NFATC4: variants seen among roughly 807,000 people sequenced by gnomAD.
NFATC4 encodes nuclear factor of activated T cells 4.
A neutral mutation model predicts 73.4 loss-of-function variants in NFATC4; 25 were observed. The ratio of observed to expected loss-of-function variants is 0.34; its 90% confidence interval spans 0.25 to 0.48. NFATC4 has a LOEUF of 0.48. Ranked by LOEUF, NFATC4 falls within the 20% of genes least tolerant of loss-of-function variation. The pLI is 0.99. For missense variants in NFATC4, 1,130 were observed against 1,203.7 expected (o/e 0.94, Z 0.91); for synonymous variants, 523 against 510.3 (o/e 1.02, Z -0.34).
In NFATC4 at chr14:24,374,391, G is replaced by T. The variant is rs1177071951; in HGVS notation, c.1798G>T (p.Gly600Ter). 6.2e-7 allele frequency: 1 copy of T among 1,614,062 alleles called. No individual in the cohort carries two copies. The change falls in exon 6 of 10, where the codon GGA becomes TGA. Residue 600 changes from glycine (G) to a stop codon, truncating the protein, a stop_gained. Transcript: ENST00000250373. LOFTEE classifies it high-confidence loss of function. ...AYSPSACSVR[G>*]GEELVLTGSN... is the part of the protein sequence containing the mutation. ...CAGCCCCAGTGCCTGCTCTGTGAGA[G>T]GAGGCGAGGAACTGGTACTGACTGG...
Position 24,370,070 on chromosome 14 carries a change from A to G in NFATC4, c.672A>G (p.Pro224=). ...CCTCGCCCCGGGCCTCCCCTCGGCC[A>G]TGGACCCCCGAAGATCCCTGGAGCC... ...PLPSPRASPR[P]WTPEDPWSLY... Residue 224 remains proline, a synonymous_variant, in exon 2 of 10, where the codon CCA becomes CCG. Transcript: ENST00000250373. The G allele has an allele frequency of 1.2e-6, 2 of 1,606,044 alleles. No homozygotes were observed. The highest frequency in any genetic ancestry group is 1.1e-5 in the South Asian group (1 of 91,040).
At chr14:24,371,595 A>G (rs1197130418) in intron 2 of NFATC4, 1 of 152,486 alleles carries the variant, frequency 6.6e-6, no homozygotes, top group Non-Finnish European at 1.5e-5. Flanking sequence ...AACTCCACCT[A>G]TCAAGCCCCA....
Position 24,368,308 on chromosome 14 carries a change from C to T in NFATC4, c.-33C>T. The T allele has an allele frequency of 7.2e-7, 1 of 1,384,488 alleles. No homozygotes were observed. The highest frequency in any genetic ancestry group is 9.3e-7 in the Non-Finnish European group (1 of 1,070,142). The allele number at this position is 1,384,488 out of a possible 1,614,324, so 85.8% of individuals were successfully genotyped here. A position where few individuals can be genotyped will look rare whatever the true frequency, so the allele number is the denominator to read the frequency against. On this transcript the variant is annotated 5_prime_UTR_variant, in exon 1 of 10. Coordinates refer to ENST00000250373, the MANE Select transcript of NFATC4 (RefSeq NM_004554.5). ...AGCCTCCTGAACTCCCCCCTCCCACCCAGGCCGGGACCTGGGGGCTCCTGC... is the reference window on the plus strand; with the variant it reads ...AGCCTCCTGAACTCCCCCCTCCCACTCAGGCCGGGACCTGGGGGCTCCTGC...
chr14:24,370,715 A>C, intron 2 of NFATC4, 121 bp downstream of exon 2: 3 of 1,363,244 alleles, frequency 2.2e-6, no homozygotes, highest in Non-Finnish European at 2.9e-6. Flanking sequence ...GAGTATCTGC[A>C]ACCAGCTCAG....
chr14:24,376,308 G>C lies in NFATC4; in HGVS notation c.2071G>C (p.Glu691Gln). ...FRFLPVICKE[E>Q]PLPDSSLRGF... is the part of the protein sequence containing the mutation. ...TGTCTTCCCAGTGATCTGCAAAGAG[G>C]AGCCCCTACCGGACTCATCTCTGCG... Residue 691 changes from glutamate (E) to glutamine (Q), a missense_variant, in exon 9 of 10, where the codon GAG becomes CAG. Glu to Gln is a conservative substitution (Grantham distance 29). Around this residue, in one of 3 missense-constraint regions of NFATC4, gnomAD observed 390 missense variants for 408.1 expected, o/e 0.96. Coordinates refer to ENST00000250373, the MANE Select transcript of NFATC4 (RefSeq NM_004554.5). The surrounding 1 kb of genome is among the most constrained non-coding windows in gnomAD (Gnocchi z 5.0). 6.3e-7 allele frequency: 1 copy of C among 1,575,602 alleles called. No individual in the cohort carries two copies. Among genetic ancestry groups the C allele is most frequent in the Non-Finnish European group, 8.6e-7 (1 of 1,161,316 alleles).
chr14:24,367,021 AAG>A, upstream of NFATC4: 1 of 1,612,908 alleles, frequency 6.2e-7, no homozygotes, highest in African/African-American at 1.3e-5. Context: ...CGCGGCCTCT[AAG>A]AGAGGTTGAA....
chr14:24,374,023 CT>C, intron 5 of NFATC4, 156 bp downstream of exon 5: 1 of 1,127,436 alleles, frequency 8.9e-7, no homozygotes, highest in South Asian at 1.3e-5. Flanking sequence ...TAGTTTGCCC[CT>C]GCCACAGACT....
rs770039458 is a variant in NFATC4 at position 24,370,421 on chromosome 14, G to A, written c.1023G>A (p.Leu341=). ...CTTCCAGCGAGCAGGCAGTGGCTCT[G>A]CCTCGGTCTGAGGAGCCTGCCTCAT... The part of the protein sequence containing the change: ...RRTSSEQAVA[L]PRSEEPASCN... Residue 341 remains leucine (L), a synonymous_variant, in exon 2 of 10, where the codon CTG becomes CTA. Coordinates refer to ENST00000250373, the MANE Select transcript of NFATC4 (RefSeq NM_004554.5). The A allele has an allele frequency of 4.3e-6, 7 of 1,613,986 alleles. No individual in the cohort carries two copies. In the African/African-American group the frequency reaches 8.0e-5, roughly 18 times the overall value.
At chr14:24,371,375 T>C (rs557764889) in intron 2 of NFATC4, among the ~76,000 whole-genome samples, 1 of 152,290 alleles carries the variant, frequency 6.6e-6, no homozygotes. Context: ...CTGGACATTG[T>C]AGGATGGTTT....
In NFATC4 at chr14:24,370,018, C is replaced by T. The variant is rs763283132; in HGVS notation, c.620C>T (p.Ser207Phe). Residue 207 changes from serine (S) to phenylalanine (F), a missense_variant, in exon 2 of 10, where the codon TCC becomes TTC. Ser to Phe is a radical substitution (Grantham distance 155, BLOSUM62 -2). Transcript: ENST00000250373. ...GAGTCTGAGCTAAATGAGGCGGCCTCCCGCTTTGGCCTGGGCTCCCCGCTG... is the reference window on the plus strand; with the variant it reads ...GAGTCTGAGCTAAATGAGGCGGCCTTCCGCTTTGGCCTGGGCTCCCCGCTG... The part of the protein sequence containing the change: ...EVESELNEAA[S>F]RFGLGSPLPS... 15 of 1,612,092 alleles carry T rather than the reference C, an allele frequency of 9.3e-6. No homozygotes were observed. The highest frequency in any genetic ancestry group is 5.5e-5 in the South Asian group (5 of 91,086).
At position 24,369,786 on chromosome 14, in the gene NFATC4, G is replaced by A. The variant is rs1280907415; in HGVS notation, c.388G>A (p.Ala130Thr). The change falls in exon 2 of 10, where the codon GCG becomes ACG. Residue 130 changes from alanine to threonine, a missense_variant. Around this residue, in one of 3 missense-constraint regions of NFATC4, gnomAD observed 585 missense variants for 574.3 expected, o/e 1.02. Coordinates refer to ENST00000250373, the MANE Select transcript of NFATC4 (RefSeq NM_004554.5). ...CTCTCCCACGCCGGAGCCGCCAGCA[G>A]CGCTGGAGGACAACCCTGATGCCTG... ...SISPTPEPPA[A>T]LEDNPDAWGD... is the part of the protein sequence containing the mutation. The A allele has an allele frequency of 6.3e-7, 1 of 1,596,414 alleles. No individual in the cohort carries two copies. Among genetic ancestry groups the A allele is most frequent in the Admixed American group, 1.8e-5 (1 of 56,712 alleles).
rs149055035 is a variant in NFATC4 at position 24,369,064 on chromosome 14, C to T, written c.101-435C>T. The T allele has an allele frequency of 2.9e-3, 4,082 of 1,403,146 alleles. 9 individuals are homozygous for T. Among genetic ancestry groups the T allele is most frequent in the Non-Finnish European group, 3.6e-3 (3,902 of 1,079,726 alleles). The allele number at this position is 1,403,146 out of a possible 1,614,324, so 86.9% of individuals were successfully genotyped here. On this transcript the variant is annotated intron_variant, in intron 1 of 9. Transcript: ENST00000250373. The stretch of plus-strand genomic sequence containing the variant: ...TCCCCTCGTCACCACAGCCCTGACG[C>T]CCCCCTCCCCTCTGGCCACGGTTGC...
Position 24,373,598 on chromosome 14 carries a change from C to G in NFATC4, c.1560-97C>G. ...TCCTAGGCACTCATCGAAAGTCATT[C>G]AAGGCTTTGGATGGAGGGCGGGAAC... is the stretch of plus-strand genomic sequence containing the variant. On this transcript the variant is annotated intron_variant, in intron 4 of 9. Transcript: ENST00000250373. This position sits in a 1 kb window ranked among gnomAD's most constrained non-coding sequence, Gnocchi z 4.7. 1 of 1,518,958 alleles carries G rather than the reference C, an allele frequency of 6.6e-7. No individual in the cohort carries two copies. 94.1% of individuals were successfully genotyped at this position (1,518,958 alleles called of 1,614,324 possible).
At chr14:24,371,252 A>G (rs1418241204) in intron 2 of NFATC4, among the ~76,000 whole-genome samples, 3 of 152,236 alleles carry the variant, frequency 2.0e-5, no homozygotes, top group Non-Finnish European at 4.4e-5. Flanking sequence ...GGGGAAAGAA[A>G]CGTTAACACT....
chr14:24,374,471 G>A lies in NFATC4; in HGVS notation c.1873+5G>A. 1 of 1,607,650 alleles carries A rather than the reference G, an allele frequency of 6.2e-7. No individual in the cohort carries two copies. The highest frequency in any genetic ancestry group is 1.1e-5 in the South Asian group (1 of 90,316). On this transcript the variant is annotated splice_donor_5th_base_variant and intron_variant, in intron 6 of 9. Coordinates refer to ENST00000250373, the MANE Select transcript of NFATC4 (RefSeq NM_004554.5). ...TGTTCATTGAGAGGGGTCCTGGTGA[G>A]TACCTGCTGGGGAGGGGAGGGCAGG...
At chr14:24,372,388 G>A (rs1344709304) in intron 2 of NFATC4, 53 bp from the exon 3 acceptor site, 10 of 1,589,030 alleles carry the variant, frequency 6.3e-6, no homozygotes, top group African/African-American at 2.7e-5. Context: ...TCCAGTACGG[G>A]CCTGACTGGG....
intron 2 of NFATC4, 123 bp from the exon 3 acceptor site, chr14:24,372,318 T>C: frequency 9.6e-7 from 1 of 1,046,944 alleles, no homozygotes; most frequent in Non-Finnish European, 1.4e-6. Context: ...GTTAATGTAC[T>C]TCTTTATTTC....
chr14:24,370,018 C>G lies in NFATC4; in HGVS notation c.620C>G (p.Ser207Cys). The change falls in exon 2 of 10, where the codon TCC (serine) becomes TGC (cysteine). Residue 207 changes from serine to cysteine, a missense_variant. Physicochemically the swap from Ser to Cys is moderately radical, Grantham distance 112 (BLOSUM62 -1). Coordinates refer to ENST00000250373, the MANE Select transcript of NFATC4 (RefSeq NM_004554.5). ...EVESELNEAA[S>C]RFGLGSPLPS... ...GAGTCTGAGCTAAATGAGGCGGCCT[C>G]CCGCTTTGGCCTGGGCTCCCCGCTG... 6.2e-7 allele frequency: 1 copy of G among 1,612,210 alleles called. No individual in the cohort carries two copies. The highest frequency in any genetic ancestry group is 2.2e-5 in the East Asian group (1 of 44,876).
upstream of NFATC4, chr14:24,367,915 C>T (rs2042348885): frequency 7.7e-7 from 1 of 1,290,632 alleles, no homozygotes; most frequent in Non-Finnish European, 9.8e-7. Context: ...GCTGGGCTCT[C>T]TGCGGGAAAT....
Sources: gnomAD v4.1 joint callset for allele counts (sites outside exome capture counted in the v4.1 genomes callset) on GRCh38, gnomAD v4.1.1 for gene constraint, gnomAD v4.1.1 regional missense constraint, Gnocchi (gnomAD v3.1) non-coding constraint, MANE v1.5 for transcripts, NCBI Gene and HGNC (gene_info 2026-07-23, HGNC 2026-07-21) for gene names.